The following PTPN3 variants were observed in gnomAD, a reference collection of about 807,000 sequenced individuals.
The protein encoded by PTPN3 is protein tyrosine phosphatase non-receptor type 3.
A neutral mutation model predicts 132.7 loss-of-function variants in PTPN3; 96 were observed. That is an observed-to-expected ratio of 0.72 (90% CI 0.61 to 0.86). The LOEUF is 0.86. Ranked by LOEUF, PTPN3 falls within the 40% of genes least tolerant of loss-of-function variation. PTPN3 has a pLI of 0.00. For synonymous variants in PTPN3, 398 were observed against 429.0 expected (o/e 0.93, Z 0.89); for missense variants, 1,125 against 1,159.6 (o/e 0.97, Z 0.43).
chr9:109,537,104 C>T, the PTPN3 span, among the ~76,000 whole-genome samples: 1 of 152,122 alleles, frequency 6.6e-6, no homozygotes, highest in East Asian at 1.9e-4. Flanking sequence ...TCTGAGCCTC[C>T]ATCAATAGCC....
chr9:109,457,123 G>C, intron 4 of PTPN3, 50 bp downstream of exon 4: 1 of 1,576,442 alleles, frequency 6.3e-7, no homozygotes. Context: ...GAAACAGGCT[G>C]TGATACACTA....
chr9:109,464,039 C>CA, intron 1 of PTPN3, among the ~76,000 whole-genome samples: 1 of 152,242 alleles, frequency 6.6e-6, no homozygotes, highest in Admixed American at 6.5e-5. Flanking sequence ...GGTACTCAAC[C>CA]ATATTAGCTG....
At chr9:109,439,079 T>C (rs1844262816) in intron 7 of PTPN3, among the ~76,000 whole-genome samples, 2 of 152,190 alleles carry the variant, frequency 1.3e-5, no homozygotes, top group African/African-American at 4.8e-5. Context: ...TATGATGTGA[T>C]GGGCATTCTT....
chr9:109,466,998 TAGAG>T (rs1564468860), intron 1 of PTPN3, among the ~76,000 whole-genome samples: 2 of 151,982 alleles, frequency 1.3e-5, no homozygotes, highest in South Asian at 2.1e-4. Context: ...TAGATAAGGA[TAGAG>T]AGTCTGAAAT....
intron 22 of PTPN3, among the ~76,000 whole-genome samples, chr9:109,384,687 C>T (rs1165633452): frequency 6.6e-6 from 1 of 152,232 alleles, no homozygotes; most frequent in Non-Finnish European, 1.5e-5. Context: ...GCATTTTCCC[C>T]TGAGCCTATA....
At chr9:109,471,791 C>T (rs1051900116) in intron 1 of PTPN3, among the ~76,000 whole-genome samples, 1 of 152,058 alleles carries the variant, frequency 6.6e-6, no homozygotes, top group African/African-American at 2.4e-5. Context: ...CAAATGTATA[C>T]CAACGCACCC....
chr9:109,408,802 T>C lies in PTPN3; in HGVS notation c.1579-425A>G, dbSNP rs1383274748. Among the ~76,000 whole-genome samples, 8 of 105,948 alleles carry C rather than the reference T, an allele frequency of 7.6e-5. 1 individual carries two copies. In the Middle Eastern group the frequency reaches 0.022, roughly 285 times the overall value. The allele number at this position is 105,948 out of a possible 152,430, so 69.5% of individuals were successfully genotyped here. A position where few individuals can be genotyped will look rare whatever the true frequency, so the allele number is the denominator to read the frequency against. On this transcript the variant is annotated intron_variant, in intron 16 of 25. Transcript: ENST00000374541. Reference sequence around the variant, plus strand: ...TAATTAAAAAAAAAAAAAAAATATATATATATATATATATATGGGCTTTAT... The same window carrying C: ...TAATTAAAAAAAAAAAAAAAATATACATATATATATATATATGGGCTTTAT...
intron 1 of PTPN3, among the ~76,000 whole-genome samples, chr9:109,466,174 T>A (rs139270514): frequency 7.9e-4 from 121 of 152,310 alleles, no homozygotes; most frequent in African/African-American, 2.8e-3. Flanking sequence ...AACCTAGGTC[T>A]GGTAGAGTTA....
In PTPN3 at chr9:109,383,412, C is replaced by A; in HGVS notation, c.2382+11G>T. On this transcript the variant is annotated intron_variant, in intron 23 of 25. Coordinates refer to ENST00000374541, the MANE Select transcript of PTPN3 (RefSeq NM_002829.4). The stretch of plus-strand genomic sequence containing the variant: ...CTGCCCCTCCACCGTGCCCCTCAGG[C>A]TGCGGCTCACCTGGGTGTTTGTGAC... 1.2e-6 allele frequency: 2 copies of A among 1,614,132 alleles called. No homozygotes were observed. Among genetic ancestry groups the A allele is most frequent in the Non-Finnish European group, 1.7e-6 (2 of 1,180,024 alleles).
At chr9:109,528,472 G>A in the PTPN3 span, among the ~76,000 whole-genome samples, 262 of 152,348 alleles carry the variant, frequency 1.7e-3, 1 homozygote, top group Non-Finnish European at 2.6e-3. Flanking sequence ...AGCTAGACAT[G>A]AAAGTGTACA....
At chr9:109,499,467 C>A (rs1030222493), upstream of PTPN3, among the ~76,000 whole-genome samples, 1 of 152,172 alleles carries the variant, frequency 6.6e-6, no homozygotes, top group East Asian at 1.9e-4. Context: ...GTCACTTTGG[C>A]TTTTCCTCCG....
intron 19 of PTPN3, among the ~76,000 whole-genome samples, chr9:109,394,748 T>TTG (rs1237102080): frequency 2.6e-5 from 4 of 152,340 alleles, no homozygotes; most frequent in South Asian, 2.1e-4. Flanking sequence ...AGACACAATC[T>TTG]TGTGTGTGTA....
chr9:109,488,622 T>G (rs975900016), intron 1 of PTPN3, among the ~76,000 whole-genome samples: 1 of 152,190 alleles, frequency 6.6e-6, no homozygotes, highest in Non-Finnish European at 1.5e-5. Context: ...AATAGCTCCA[T>G]TATCTTCACA....
intron 19 of PTPN3, among the ~76,000 whole-genome samples, chr9:109,396,011 G>A (rs998201047): frequency 1.4e-4 from 21 of 151,856 alleles, no homozygotes; most frequent in Admixed American, 6.6e-4. Context: ...ACAGGCGTGC[G>A]CCACCATGCC....
intron 11 of PTPN3, 99 bp from the exon 12 acceptor site, chr9:109,427,221 G>T: frequency 7.5e-7 from 1 of 1,329,122 alleles, no homozygotes. Flanking sequence ...AGATGCAACA[G>T]ACAGCAGAAA....
chr9:109,406,665 C>T (rs1487465296), intron 17 of PTPN3, 47 bp from the exon 18 acceptor site: 2 of 1,601,022 alleles, frequency 1.2e-6, no homozygotes, highest in African/African-American at 2.7e-5. Flanking sequence ...ATAACACAGT[C>T]CTTGGGGGAA....
In PTPN3 at chr9:109,426,968, C is replaced by A. The variant is rs1843323816; in HGVS notation, c.983G>T (p.Gly328Val). The A allele has an allele frequency of 6.2e-7, 1 of 1,613,284 alleles. No individual in the cohort carries two copies. Among genetic ancestry groups the A allele is most frequent in the Non-Finnish European group, 8.5e-7 (1 of 1,179,326 alleles). The change falls in exon 12 of 26, where the codon GGC (glycine) becomes GTC (valine). Residue 328 changes from glycine (G) to valine (V), a missense_variant. Gly to Val is a moderately radical substitution (Grantham distance 109). Transcript: ENST00000374541. ...KNVLSQYWTM[G>V]SRNTKKSVNN... ...CACTCACTTTTTGGTGTTCCGAGAGCCCATAGTCCAGTACTGAGACAGAAC... is the reference window on the plus strand; with the variant it reads ...CACTCACTTTTTGGTGTTCCGAGAGACCATAGTCCAGTACTGAGACAGAAC...
intron 1 of PTPN3, among the ~76,000 whole-genome samples, chr9:109,472,309 C>T (rs1489786463): frequency 6.6e-6 from 1 of 152,208 alleles, no homozygotes; most frequent in African/African-American, 2.4e-5. Context: ...ATGCACACAC[C>T]CTTCCTCAGA....
intron 2 of PTPN3, among the ~76,000 whole-genome samples, chr9:109,462,837 G>T (rs1442679977): frequency 1.3e-5 from 2 of 151,944 alleles, no homozygotes; most frequent in Non-Finnish European, 1.5e-5. Context: ...AGGCACGGGG[G>T]AAACAACACC....
Sources: allele counts gnomAD v4.1 joint callset (sites outside exome capture counted in the v4.1 genomes callset), GRCh38; gene constraint gnomAD v4.1.1; transcripts MANE v1.5; gene names NCBI Gene and HGNC (gene_info 2026-07-23, HGNC 2026-07-21).